ZSWIM8: variants seen among roughly 807,000 people sequenced by gnomAD.
The protein encoded by ZSWIM8 is zinc finger SWIM-type containing 8.
A neutral mutation model predicts 173.7 loss-of-function variants in ZSWIM8; 27 were observed. The ratio of observed to expected loss-of-function variants is 0.16; its 90% CI spans 0.11 to 0.21. The LOEUF (loss-of-function observed/expected upper bound fraction) is 0.21. Ranked by LOEUF, ZSWIM8 falls within the 10% of genes least tolerant of loss-of-function variation. ZSWIM8 has a pLI of 1.00. For missense variants in ZSWIM8, 1,627 were observed against 2,428.8 expected, an observed-to-expected ratio of 0.67 and a Z score of 6.94; for synonymous variants, 958 against 962.0, an observed-to-expected ratio of 1.00 and a Z score of 0.08.
chr10:73,788,746 A>G lies in ZSWIM8; in HGVS notation c.285A>G (p.Lys95=), dbSNP rs1225438786. The G allele has an allele frequency of 6.2e-7, 1 of 1,613,874 alleles. No homozygotes were observed. The highest frequency in any genetic ancestry group is 1.7e-5 in the Admixed American group (1 of 59,998). ...AFHIPFEVVE[K]VYPPVPEQLQ... is the part of the protein sequence containing the mutation. The stretch of plus-strand genomic sequence containing the variant: ...ATATCCCATTTGAAGTGGTGGAGAA[A>G]GTTTACCCACCAGTGCCTGAGCAGC... The change falls in exon 2 of 26, where the codon AAA becomes AAG. Residue 95 remains lysine, a synonymous_variant. Coordinates refer to ENST00000604729, the MANE Select transcript of ZSWIM8 (RefSeq NM_001367799.1).
intron 14 of ZSWIM8, 92 bp from the exon 15 acceptor site, chr10:73,795,447 T>A: frequency 6.4e-7 from 1 of 1,568,684 alleles, no homozygotes; most frequent in Non-Finnish European, 8.7e-7. Flanking sequence ...CCTTACTTCA[T>A]ATGCTGATGG....
At chr10:73,798,504 G>A (rs1326080757) in intron 20 of ZSWIM8, 51 bp downstream of exon 20, 2 of 1,539,328 alleles carry the variant, frequency 1.3e-6, no homozygotes, top group East Asian at 2.3e-5. Flanking sequence ...TGGGCAGGGA[G>A]GTTGGGCATG....
chr10:73,797,425 C>T lies in ZSWIM8; in HGVS notation c.3482C>T (p.Ser1161Phe). The change falls in exon 18 of 26, where the codon TCC (serine) becomes TTC (phenylalanine). Residue 1161 changes from serine to phenylalanine, a missense_variant. Ser to Phe is a radical substitution (Grantham distance 155). Coordinates refer to ENST00000604729, the MANE Select transcript of ZSWIM8 (RefSeq NM_001367799.1). This position sits in a 1 kb window ranked among gnomAD's most constrained non-coding sequence, Gnocchi z 5.6. ...SSAPETTSDS[S>F]PTLSRRPLRG... ...GCCCCTGAAACAACATCGGATAGTT[C>T]CCCCACCTTAAGCCGGAGACCACTT... is the stretch of plus-strand genomic sequence containing the variant. 6.2e-7 allele frequency: 1 copy of T among 1,613,894 alleles called. No individual in the cohort carries two copies. The highest frequency in any genetic ancestry group is 8.5e-7 in the Non-Finnish European group (1 of 1,179,838).
At position 73,800,787 on chromosome 10, in the gene ZSWIM8, GCCC is replaced by G; in HGVS notation, c.5122+36_5122+38del. 2.2e-5 allele frequency: 29 copies of G among 1,321,646 alleles called. No homozygotes were observed. Among genetic ancestry groups the G allele is most frequent in the Non-Finnish European group, 2.8e-5 (27 of 972,606 alleles). 81.9% of individuals were successfully genotyped at this position (1,321,646 alleles called of 1,614,324 possible). ...AACACCTCCCCTCCCTAGGACCATTGCCCCCCCCCCACCTGCTCTCCCCACCTT... is the reference window on the plus strand; with the variant it reads ...AACACCTCCCCTCCCTAGGACCATTGCCCCCCCACCTGCTCTCCCCACCTT... On this transcript the variant is annotated intron_variant, in intron 24 of 25. Coordinates refer to ENST00000604729, the MANE Select transcript of ZSWIM8 (RefSeq NM_001367799.1). The surrounding 1 kb of genome is among the most constrained non-coding windows in gnomAD (Gnocchi z 4.1).
At position 73,796,878 on chromosome 10, in the gene ZSWIM8, T is replaced by C. The variant is rs887542900; in HGVS notation, c.3138T>C (p.Pro1046=). 6.2e-7 allele frequency: 1 copy of C among 1,614,046 alleles called. No homozygotes were observed. The highest frequency in any genetic ancestry group is 1.1e-5 in the South Asian group (1 of 91,090). Residue 1046 remains proline (P), a synonymous_variant, in exon 16 of 26, where the codon CCT becomes CCC. Transcript: ENST00000604729. The part of the protein sequence containing the change: ...SRPTTASQRS[P]SKHGGPSAPG... ...CAACCACAGCCAGCCAGAGGTCTCC[T>C]TCAAAGCACGGGGGCCCATCTGCCC...
intron 1 of ZSWIM8, 50 bp downstream of exon 1, chr10:73,786,136 G>C (rs773478391): frequency 2.7e-6 from 4 of 1,464,948 alleles, no homozygotes; most frequent in Non-Finnish European, 3.6e-6. Flanking sequence ...CTTGGGCCTC[G>C]CTCGGGAGCT....
intron 15 of ZSWIM8, among the ~76,000 whole-genome samples, 159 bp downstream of exon 15, chr10:73,795,822 G>A (rs568899004): frequency 6.6e-6 from 1 of 152,060 alleles, no homozygotes; most frequent in African/African-American, 2.4e-5. Context: ...TAGCAGCTGG[G>A]TGTGGTGGCA....
At position 73,788,822 on chromosome 10, in the gene ZSWIM8, C is replaced by A; in HGVS notation, c.361C>A (p.Arg121=). Residue 121 remains arginine (R), a splice_region_variant and synonymous_variant, in exon 2 of 26, where the codon CGG becomes AGG. Coordinates refer to ENST00000604729, the MANE Select transcript of ZSWIM8 (RefSeq NM_001367799.1). ...WSFPENEEDI[R]LYSCLANGSA... is the part of the protein sequence containing the mutation. ...CTTCCCTGAGAATGAAGAGGACATT[C>A]GGTGAGGCCAAAGGACTGATGGTGG... 1 of 1,613,366 alleles carries A rather than the reference C, an allele frequency of 6.2e-7. No homozygotes were observed. The highest frequency in any genetic ancestry group is 8.5e-7 in the Non-Finnish European group (1 of 1,179,814).
Position 73,791,576 on chromosome 10 carries a change from T to C in ZSWIM8, c.1319+77T>C. The C allele has an allele frequency of 1.4e-6, 2 of 1,423,720 alleles. No individual in the cohort carries two copies. The highest frequency in any genetic ancestry group is 1.9e-6 in the Non-Finnish European group (2 of 1,070,938). The allele number at this position is 1,423,720 out of a possible 1,614,324, so 88.2% of individuals were successfully genotyped here. Reference sequence around the variant, plus strand: ...CAGACTGAGCCTTCATCTCCTTGTTTGCAGAGACATACCATGATTTTAGTC... The same window carrying C: ...CAGACTGAGCCTTCATCTCCTTGTTCGCAGAGACATACCATGATTTTAGTC... On this transcript the variant is annotated intron_variant, in intron 9 of 25. Coordinates refer to ENST00000604729, the MANE Select transcript of ZSWIM8 (RefSeq NM_001367799.1). The surrounding 1 kb of genome is among the most constrained non-coding windows in gnomAD (Gnocchi z 6.0).
At position 73,789,074 on chromosome 10, in the gene ZSWIM8, G is replaced by A; in HGVS notation, c.363-22G>A. On this transcript the variant is annotated intron_variant, in intron 2 of 25. Coordinates refer to ENST00000604729, the MANE Select transcript of ZSWIM8 (RefSeq NM_001367799.1). The surrounding 1 kb of genome is among the most constrained non-coding windows in gnomAD (Gnocchi z 6.8). ...AAAGGTTATTTGCTGAGTTGTGGCTGTGTCCTCTTCTTCACCCCCAGGCTG... is the reference window on the plus strand; with the variant it reads ...AAAGGTTATTTGCTGAGTTGTGGCTATGTCCTCTTCTTCACCCCCAGGCTG... 1 of 1,612,066 alleles carries A rather than the reference G, an allele frequency of 6.2e-7. No homozygotes were observed. The highest frequency in any genetic ancestry group is 8.5e-7 in the Non-Finnish European group (1 of 1,178,876).
chr10:73,798,456 A>G lies in ZSWIM8; in HGVS notation c.4176+3A>G. On this transcript the variant is annotated splice_donor_region_variant and intron_variant, in intron 20 of 25. Coordinates refer to ENST00000604729, the MANE Select transcript of ZSWIM8 (RefSeq NM_001367799.1). The stretch of plus-strand genomic sequence containing the variant: ...CCCTGGTGCAGTGCAAGGAACAGGT[A>G]TTTCTACGGGCAATCTGGGAACCTC... 1.2e-6 allele frequency: 2 copies of G among 1,610,678 alleles called. No homozygotes were observed. The highest frequency in any genetic ancestry group is 1.7e-6 in the Non-Finnish European group (2 of 1,177,290).
chr10:73,799,758 C>G (rs761076214), intron 21 of ZSWIM8: 36 of 628,500 alleles, frequency 5.7e-5, no homozygotes, highest in Non-Finnish European at 9.0e-5. Flanking sequence ...TGGGGAAACC[C>G]CGTCTCTACT....
At chr10:73,795,518 A>G (rs2083600333) in intron 14 of ZSWIM8, 21 bp from the exon 15 acceptor site, 3 of 1,613,402 alleles carry the variant, frequency 1.9e-6, no homozygotes, top group African/African-American at 2.7e-5. Context: ...CTCAATCCCC[A>G]TAAGGTCCTC....
At position 73,792,696 on chromosome 10, in the gene ZSWIM8, C is replaced by T. The variant is rs767782634; in HGVS notation, c.2157C>T (p.Ala719=). 2.2e-5 allele frequency: 35 copies of T among 1,613,814 alleles called. No individual in the cohort carries two copies. The South Asian group carries it at 3.8e-4, about 18-fold the overall frequency. The change falls in exon 10 of 26, where the codon GCC becomes GCT. Residue 719 remains alanine (A), a synonymous_variant. Transcript: ENST00000604729. This position sits in a 1 kb window ranked among gnomAD's most constrained non-coding sequence, Gnocchi z 4.3. ...GNGLPKTKEA[A]PAVGEEDDDY... ...GGCTTCCCAAAACCAAAGAGGCAGC[C>T]CCTGCAGTTGGAGAGGAGGATGATG...
Position 73,797,525 on chromosome 10 carries a change from C to A in ZSWIM8, c.3582C>A (p.Ser1194=), listed in dbSNP as rs764293130. The A allele has an allele frequency of 1.1e-5, 18 of 1,613,990 alleles. No homozygotes were observed. The highest frequency in any genetic ancestry group is 1.5e-5 in the Non-Finnish European group (18 of 1,179,876). The part of the protein sequence containing the change: ...SDSISSSSSD[S]LGSSSSSGSR... ...GCATTAGCAGCTCTTCTTCGGACTC[C>A]CTGGGCTCCTCATCCTCCAGTGGAA... The change falls in exon 18 of 26, where the codon TCC becomes TCA. Residue 1194 remains serine, a synonymous_variant. Coordinates refer to ENST00000604729, the MANE Select transcript of ZSWIM8 (RefSeq NM_001367799.1). The surrounding 1 kb of genome is among the most constrained non-coding windows in gnomAD (Gnocchi z 5.6).
chr10:73,791,732 TA>T lies in ZSWIM8; in HGVS notation c.1320-126del. On this transcript the variant is annotated intron_variant, in intron 9 of 25. Coordinates refer to ENST00000604729, the MANE Select transcript of ZSWIM8 (RefSeq NM_001367799.1). The surrounding 1 kb of genome is among the most constrained non-coding windows in gnomAD (Gnocchi z 6.0). ...AATTCTCCAGTGTTTCAGTGATGCT[TA>T]TGGGGCTGGGTCAAGAAGTACTTTC... 3 of 1,338,358 alleles carry T rather than the reference TA, an allele frequency of 2.2e-6. No homozygotes were observed. The highest frequency in any genetic ancestry group is 3.0e-6 in the Non-Finnish European group (3 of 1,007,326). The allele number at this position is 1,338,358 out of a possible 1,614,324, so 82.9% of individuals were successfully genotyped here.
intron 15 of ZSWIM8, 116 bp from the exon 16 acceptor site, chr10:73,796,658 G>A: frequency 7.1e-7 from 1 of 1,411,400 alleles, no homozygotes; most frequent in East Asian, 2.5e-5. Flanking sequence ...AAGTGGGGAA[G>A]GCTCCCTGAG....
At chr10:73,795,472 C>T in intron 14 of ZSWIM8, 67 bp from the exon 15 acceptor site, 1 of 1,597,470 alleles carries the variant, frequency 6.3e-7, no homozygotes, top group Non-Finnish European at 8.5e-7. Flanking sequence ...GGAACCCTGG[C>T]CTCTTACCTT....
In ZSWIM8 at chr10:73,796,947, T is replaced by A. The variant is rs1443400327; in HGVS notation, c.3207T>A (p.Ala1069=). 1.2e-6 allele frequency: 2 copies of A among 1,613,802 alleles called. No homozygotes were observed. Among genetic ancestry groups the A allele is most frequent in the Non-Finnish European group, 1.7e-6 (2 of 1,179,828 alleles). Residue 1069 remains alanine (A), a synonymous_variant, in exon 16 of 26, where the codon GCT becomes GCA. Transcript: ENST00000604729. ...TGACCTCAGGCTCTGCAGGGCCTGCTCAACCAGGGAGTGTGGCAGGGGCTG... is the reference window on the plus strand; with the variant it reads ...TGACCTCAGGCTCTGCAGGGCCTGCACAACCAGGGAGTGTGGCAGGGGCTG... ...QPLTSGSAGP[A]QPGSVAGAGP...
Sources: gnomAD v4.1 joint callset for allele counts (sites outside exome capture counted in the v4.1 genomes callset) on GRCh38, gnomAD v4.1.1 for gene constraint, Gnocchi (gnomAD v3.1) non-coding constraint, MANE v1.5 for transcripts, NCBI Gene and HGNC (gene_info 2026-07-23, HGNC 2026-07-21) for gene names.